Variants in CHST9 observed in about 807,000 individuals in gnomAD.
CHST9 encodes the protein GalNAc-4-sulfotransferase 2.
In CHST9, 41 loss-of-function variants were observed where a neutral mutation model predicts 44.4. That is an observed-to-expected ratio of 0.92 (90% confidence interval 0.72 to 1.20). CHST9 has a LOEUF of 1.20. Among genes scored for constraint, CHST9 ranks in the 50% most tolerant of loss-of-function variants. The pLI, the probability that CHST9 is intolerant of heterozygous loss-of-function variation, is 0.00. For synonymous variants in CHST9, 171 were observed against 178.4 expected (o/e 0.96, Z 0.33); for missense variants, 504 against 516.5 (o/e 0.98, Z 0.23).
chr18:27,042,093 A>C (rs1275954341), intron 3 of CHST9, among the ~76,000 whole-genome samples: 1 of 152,142 alleles, frequency 6.6e-6, no homozygotes, highest in Non-Finnish European at 1.5e-5. Flanking sequence ...GGTAGTTCAG[A>C]ACTACAGGAT....
intron 2 of CHST9, among the ~76,000 whole-genome samples, chr18:27,061,924 C>A (rs1178269037): frequency 1.3e-5 from 2 of 152,158 alleles, no homozygotes; most frequent in Admixed American, 6.5e-5. Context: ...ACCCATTGTA[C>A]AACCTTTGCC....
intron 2 of CHST9, among the ~76,000 whole-genome samples, chr18:27,096,653 C>A (rs1193310396): frequency 1.3e-5 from 2 of 152,160 alleles, no homozygotes; most frequent in Admixed American, 1.3e-4. Flanking sequence ...ATTATTAACA[C>A]CTTTATGCAC....
intron 2 of CHST9, among the ~76,000 whole-genome samples, chr18:27,129,965 C>A (rs1187654938): frequency 6.6e-6 from 1 of 151,846 alleles, no homozygotes; most frequent in Non-Finnish European, 1.5e-5. Flanking sequence ...GGATCTTGAG[C>A]CCTCTTGGAT....
intron 4 of CHST9, among the ~76,000 whole-genome samples, chr18:26,986,995 C>A (rs1003598663): frequency 6.6e-6 from 1 of 152,128 alleles, no homozygotes; most frequent in African/African-American, 2.4e-5. Context: ...GGATTATTAG[C>A]CATGTGAGTA....
intron 2 of CHST9, among the ~76,000 whole-genome samples, chr18:27,124,479 T>G (rs2058402726): frequency 6.6e-6 from 1 of 152,180 alleles, no homozygotes; most frequent in Non-Finnish European, 1.5e-5. Flanking sequence ...TCAATCTAGT[T>G]GAGGCAAAAA....
At position 26,982,993 on chromosome 18, in the gene CHST9, A is replaced by G. The variant is rs776233039; in HGVS notation, c.203-38627T>C. Among the ~76,000 whole-genome samples the G allele has an allele frequency of 2.2e-4, 34 of 152,148 alleles. 1 individual carries two copies. The highest frequency in any genetic ancestry group is 1.3e-3 in the Admixed American group (20 of 15,268). ...GAAGAAGGACTGAGGAACTGAATAT[A>G]GACCTCTAAGTGTGTGACCATCTGT... On this transcript the variant is annotated intron_variant, in intron 4 of 5. Transcript: ENST00000618847.
chr18:26,963,428 C>G (rs2056425250), intron 4 of CHST9, among the ~76,000 whole-genome samples: 1 of 152,092 alleles, frequency 6.6e-6, no homozygotes, highest in Non-Finnish European at 1.5e-5. Flanking sequence ...GTGCTTATTA[C>G]TGAGCCGTTG....
intron 2 of CHST9, among the ~76,000 whole-genome samples, chr18:27,106,039 A>C (rs1282559109): frequency 1.3e-5 from 2 of 152,200 alleles, no homozygotes; most frequent in Non-Finnish European, 2.9e-5. Flanking sequence ...AAACTAAAAA[A>C]TTTAAATGTG....
At chr18:27,141,584 C>T (rs1344950026) in intron 2 of CHST9, among the ~76,000 whole-genome samples, 15 of 73,908 alleles carry the variant, frequency 2.0e-4, no homozygotes, top group Middle Eastern at 0.011. Flanking sequence ...GGAGTAAAAT[C>T]CCGACTCAAA....
rs915206258 is a variant in CHST9 at position 26,911,668 on chromosome 18, A to G, written c.*4591T>C. ...AAGATGACTGCTTAAATGGATTTAA[A>G]TACTTTTGCCTGGAAGCATATGATC... On this transcript the variant is annotated 3_prime_UTR_variant, in exon 6 of 6. Transcript: ENST00000618847. 6.6e-6 allele frequency: 1 copy of G among 152,194 alleles called. No homozygotes were observed. Among genetic ancestry groups the G allele is most frequent in the African/African-American group, 2.4e-5 (1 of 41,446 alleles). 9.4% of individuals were successfully genotyped at this position (152,194 alleles called of 1,614,324 possible).
intron 4 of CHST9, among the ~76,000 whole-genome samples, chr18:26,948,859 C>T (rs1482629681): frequency 6.6e-6 from 1 of 152,108 alleles, no homozygotes; most frequent in African/African-American, 2.4e-5. Context: ...ATCTAAGAGG[C>T]AGGTAAGTGT....
intron 2 of CHST9, among the ~76,000 whole-genome samples, chr18:27,086,388 T>C (rs1435245396): frequency 6.6e-6 from 1 of 152,258 alleles, no homozygotes; most frequent in Non-Finnish European, 1.5e-5. Flanking sequence ...TTTGGGGATA[T>C]TTGTTTTCTG....
At chr18:27,007,916 G>A (rs960051947) in intron 4 of CHST9, among the ~76,000 whole-genome samples, 1 of 152,172 alleles carries the variant, frequency 6.6e-6, no homozygotes, top group African/African-American at 2.4e-5. Context: ...CAGGATTCAG[G>A]AAGATCATTT....
intron 4 of CHST9, among the ~76,000 whole-genome samples, chr18:27,001,771 T>A (rs1182954415): frequency 1.3e-5 from 2 of 152,154 alleles, no homozygotes; most frequent in Non-Finnish European, 2.9e-5. Context: ...AGACTACTTA[T>A]GACAGAAGTT....
chr18:26,956,349 A>ACG (rs754755588), intron 4 of CHST9, among the ~76,000 whole-genome samples: 8 of 144,524 alleles, frequency 5.5e-5, no homozygotes, highest in African/African-American at 7.6e-5. Flanking sequence ...ATATATACAC[A>ACG]CACAATTATA....
At chr18:27,071,710 C>G (rs9965874) in intron 2 of CHST9, among the ~76,000 whole-genome samples, 46,401 of 152,030 alleles carry the variant, frequency 0.31, 7,211 homozygotes, top group South Asian at 0.42. Flanking sequence ...GAGAAATTAG[C>G]TGCCAGGACA....
At position 27,166,588 on chromosome 18, in the gene CHST9, T is replaced by C. The variant is rs367652348; in HGVS notation, c.-97+18548A>G. On this transcript the variant is annotated intron_variant, in intron 1 of 5. Transcript: ENST00000618847. The stretch of plus-strand genomic sequence containing the variant: ...GAGTGGAACAGAAATATTTATTGAA[T>C]AAAAAAACAAAAAGACTCTTGGGTA... Among the ~76,000 whole-genome samples, 66 of 152,204 alleles carry C rather than the reference T, an allele frequency of 4.3e-4. 2 individuals are homozygous for C. The South Asian group carries it at 9.5e-3, about 22-fold the overall frequency.
At chr18:26,990,478 C>A (rs751252592) in intron 4 of CHST9, among the ~76,000 whole-genome samples, 1 of 152,158 alleles carries the variant, frequency 6.6e-6, no homozygotes, top group Admixed American at 6.5e-5. Flanking sequence ...GCTCCAAAAA[C>A]TATTTTGCTT....
intron 4 of CHST9, among the ~76,000 whole-genome samples, chr18:26,949,702 C>A (rs1036845394): frequency 6.6e-6 from 1 of 152,084 alleles, no homozygotes; most frequent in South Asian, 2.1e-4. Context: ...CCTGTGAATA[C>A]GGGACCTTTC....
Sources: gnomAD v4.1 joint callset for allele counts (sites outside exome capture counted in the v4.1 genomes callset) on GRCh38, gnomAD v4.1.1 for gene constraint, MANE v1.5 for transcripts, NCBI Gene and HGNC (gene_info 2026-07-23, HGNC 2026-07-21) for gene names.